Variants in TRNT1 observed in about 807,000 individuals in gnomAD.
The protein encoded by TRNT1 is tRNA nucleotidyl transferase 1.
Under a neutral mutation model 45.6 loss-of-function variants are expected in TRNT1, and 44 were observed. The ratio of observed to expected loss-of-function variants is 0.97; its 90% CI spans 0.76 to 1.24. TRNT1 has a LOEUF of 1.24. TRNT1 is among the 50% of genes most tolerant of loss of function. TRNT1 has a pLI of 0.00. For synonymous variants in TRNT1, 201 were observed against 171.4 expected (o/e 1.17, Z -1.35); for missense variants, 633 against 504.4 (o/e 1.25, Z -2.44).
In TRNT1 at chr3:3,140,610, C is replaced by G. The variant is rs761516140; in HGVS notation, c.443C>G (p.Ala148Gly). Reference sequence around the variant, plus strand: ...TTTACAACTGACTGGCAGAAAGATGCGGAACGCAGAGATCTCACTATAAAT... The same window carrying G: ...TTTACAACTGACTGGCAGAAAGATGGGGAACGCAGAGATCTCACTATAAAT... ...VEFTTDWQKDAERRDLTINSM... is the reference protein window; with the variant it reads ...VEFTTDWQKDGERRDLTINSM... The change falls in exon 4 of 8, where the codon GCG (alanine) becomes GGG (glycine). Residue 148 changes from alanine to glycine, a missense_variant. By Grantham distance (60) the Ala-to-Gly change is moderately conservative (BLOSUM62 0). Transcript: ENST00000251607. 6.8e-6 allele frequency: 11 copies of G among 1,613,910 alleles called. No homozygotes were observed. The highest frequency in any genetic ancestry group is 4.0e-5 in the African/African-American group (3 of 74,912).
chr3:3,128,598 CAAAAAAAA>C (rs111647168), intron 1 of TRNT1, among the ~76,000 whole-genome samples: 3 of 96,108 alleles, frequency 3.1e-5, no homozygotes, highest in South Asian at 5.6e-4. Flanking sequence ...GACTCCATCT[CAAAAAAAA>C]AAAAAAAAAA....
chr3:3,144,795 A>G, intron 5 of TRNT1, 85 bp downstream of exon 5: 1 of 1,318,146 alleles, frequency 7.6e-7, no homozygotes, highest in Non-Finnish European at 1.0e-6. Flanking sequence ...ACAGCAGGTC[A>G]GTGTACAAAA....
chr3:3,149,319 A>AACGTCATATAATACATACT (rs1706305802), downstream of TRNT1: 1 of 152,178 alleles, frequency 6.6e-6, no homozygotes, highest in Non-Finnish European at 1.5e-5. Context: ...ATTTAGACCC[A>AACGTCATATAATACATACT]ACGTCATATA....
At position 3,144,895 on chromosome 3, in the gene TRNT1, T is replaced by A. The variant is rs552502209; in HGVS notation, c.608+185T>A. On this transcript the variant is annotated intron_variant, in intron 5 of 7. Transcript: ENST00000251607. ...TACTTAGCTACTTCATATTGTATTT[T>A]CATTCCCAGAACGCACATATACTTT... 1.3e-5 allele frequency: 5 copies of A among 394,210 alleles called. No individual in the cohort carries two copies. The South Asian group carries it at 2.8e-4, about 22-fold the overall frequency. The allele number at this position is 394,210 out of a possible 1,614,324, so 24.4% of individuals were successfully genotyped here. A position where few individuals can be genotyped will look rare whatever the true frequency, so the allele number is the denominator to read the frequency against.
intron 6 of TRNT1, 102 bp downstream of exon 6, chr3:3,146,725 G>A (rs1706052583): frequency 1.9e-6 from 2 of 1,073,756 alleles, no homozygotes; most frequent in South Asian, 1.7e-5. Context: ...AAGAATTCTT[G>A]GAGAAATGGA....
At chr3:3,129,223 C>A (rs1186100023) in intron 2 of TRNT1, 35 bp downstream of exon 2, 2 of 1,588,718 alleles carry the variant, frequency 1.3e-6, no homozygotes, top group Non-Finnish European at 8.6e-7. Context: ...TGATTGGAAA[C>A]CTATATAAAT....
At chr3:3,151,549 A>G (rs1177546963), downstream of TRNT1, among the ~76,000 whole-genome samples, 1 of 152,102 alleles carries the variant, frequency 6.6e-6, no homozygotes, top group African/African-American at 2.4e-5. Flanking sequence ...CAGAAATACA[A>G]ACCATGGTAT....
intron 4 of TRNT1, chr3:3,140,865 G>A (rs1299887989): frequency 4.8e-6 from 2 of 418,674 alleles, no homozygotes; most frequent in Non-Finnish European, 8.7e-6. Flanking sequence ...GGCGGATCAT[G>A]GGGTCAGGAG....
At chr3:3,151,184 T>TCCCTG, downstream of TRNT1, 1 of 872,470 alleles carries the variant, frequency 1.1e-6, no homozygotes, top group Non-Finnish European at 1.8e-6. Flanking sequence ...TCCATACAGT[T>TCCCTG]CCCTGAAACC....
chr3:3,134,498 A>T (rs1177982486), intron 2 of TRNT1, among the ~76,000 whole-genome samples: 1 of 152,134 alleles, frequency 6.6e-6, no homozygotes, highest in Non-Finnish European at 1.5e-5. Flanking sequence ...TTACTGAGTA[A>T]ATTTGAACTT....
Position 3,148,518 on chromosome 3 carries a change from G to A in TRNT1, c.*364G>A. ...AAGAAAAAACGTTTATTGTTTGTTT[G>A]CAATTGAAATAACAGGGTTACCTTA... On this transcript the variant is annotated 3_prime_UTR_variant, in exon 8 of 8. Coordinates refer to ENST00000251607, the MANE Select transcript of TRNT1 (RefSeq NM_182916.3). 6.3e-6 allele frequency: 1 copy of A among 158,198 alleles called. No individual in the cohort carries two copies. The highest frequency in any genetic ancestry group is 1.4e-5 in the Non-Finnish European group (1 of 71,874). The allele number at this position is 158,198 out of a possible 1,614,324, so 9.8% of individuals were successfully genotyped here.
At position 3,139,315 on chromosome 3, in the gene TRNT1, A is replaced by G. The variant is rs554577420; in HGVS notation, c.343-1195A>G. On this transcript the variant is annotated intron_variant, in intron 3 of 7. Transcript: ENST00000251607. The stretch of plus-strand genomic sequence containing the variant: ...TGCCTTCAGAGATACTTGTGCCTCA[A>G]ATTCTTGAGTTCTGGAATTCTATAG... 9.2e-5 allele frequency among the ~76,000 whole-genome samples: 14 copies of G among 152,310 alleles called. 1 individual carries two copies. In the South Asian group the frequency reaches 2.3e-3, roughly 25 times the overall value.
intron 5 of TRNT1, chr3:3,145,074 G>C (rs906790787): frequency 6.4e-6 from 1 of 157,026 alleles, no homozygotes; most frequent in Non-Finnish European, 1.4e-5. Flanking sequence ...GGTAATGAAC[G>C]AGTGAAAGTG....
chr3:3,145,752 C>T (rs1359915465), intron 5 of TRNT1: 1 of 151,990 alleles, frequency 6.6e-6, no homozygotes, highest in Non-Finnish European at 1.5e-5. Flanking sequence ...TGTAGTCTGT[C>T]TTATAAATAA....
intron 2 of TRNT1, chr3:3,130,225 G>A (rs1285892275): frequency 7.2e-6 from 3 of 415,356 alleles, no homozygotes; most frequent in South Asian, 3.4e-5. Context: ...CACCTGGGGA[G>A]CTTTTAAAGC....
At position 3,148,307 on chromosome 3, in the gene TRNT1, C is replaced by A; in HGVS notation, c.*153C>A. ...GTCTTATTTTGTGAATTATATATTT[C>A]AAGAACTAAACAGAGATCCACCTTT... On this transcript the variant is annotated 3_prime_UTR_variant, in exon 8 of 8. Coordinates refer to ENST00000251607, the MANE Select transcript of TRNT1 (RefSeq NM_182916.3). 5.4e-6 allele frequency: 4 copies of A among 744,362 alleles called. No homozygotes were observed. The Admixed American group carries it at 1.2e-4, about 23-fold the overall frequency. The allele number at this position is 744,362 out of a possible 1,614,324, so 46.1% of individuals were successfully genotyped here. A position where few individuals can be genotyped will look rare whatever the true frequency, so the allele number is the denominator to read the frequency against.
At position 3,136,161 on chromosome 3, in the gene TRNT1, T is replaced by C. The variant is rs1185328580; in HGVS notation, c.149-1099T>C. On this transcript the variant is annotated intron_variant, in intron 2 of 7. Coordinates refer to ENST00000251607, the MANE Select transcript of TRNT1 (RefSeq NM_182916.3). ...ACAGTGTTCATGTTTCGTGTATGTT[T>C]AGGTGATTACAGAGTTGTCTTGATC... Among the ~76,000 whole-genome samples, 3 of 152,138 alleles carry C rather than the reference T, an allele frequency of 2.0e-5. No individual in the cohort carries two copies. In the East Asian group the frequency reaches 5.8e-4, roughly 29 times the overall value.
chr3:3,147,859 T>C, intron 7 of TRNT1, 47 bp from the exon 8 acceptor site: 1 of 1,572,734 alleles, frequency 6.4e-7, no homozygotes, highest in Non-Finnish European at 8.6e-7. Flanking sequence ...ATTGTAAGTG[T>C]ATGTTTTCAT....
chr3:3,129,059 C>G lies in TRNT1; in HGVS notation c.19C>G (p.His7Asp). The change falls in exon 2 of 8, where the codon CAT becomes GAT. Residue 7 changes from histidine (H) to aspartate (D), a missense_variant. Transcript: ENST00000251607. ...TCTCCAGATGCTGAGGTGCCTGTAT[C>G]ATTGGCACAGGCCAGTGCTGAACCG... MLRCLY[H>D]WHRPVLNRRW... 6.2e-7 allele frequency: 1 copy of G among 1,612,008 alleles called. No individual in the cohort carries two copies. Among genetic ancestry groups the G allele is most frequent in the Admixed American group, 1.7e-5 (1 of 59,630 alleles).
Sources: gnomAD v4.1 joint callset for allele counts (sites outside exome capture counted in the v4.1 genomes callset) on GRCh38, gnomAD v4.1.1 for gene constraint, MANE v1.5 for transcripts, NCBI Gene and HGNC (gene_info 2026-07-23, HGNC 2026-07-21) for gene names.